The following TTC27 variants were observed in gnomAD, a reference collection of about 807,000 sequenced individuals.
The protein encoded by TTC27 is tetratricopeptide repeat domain 27.
TTC27 carries 79 observed loss-of-function variants against 115.9 expected under a neutral mutation model. The observed-to-expected ratio is 0.68, with a 90% CI of 0.57 to 0.82. TTC27 has a LOEUF of 0.82. TTC27 is among the 40% of genes least tolerant of loss of function. The probability of loss-of-function intolerance (pLI) is 0.00; values close to 1 mark genes in which losing one functional copy is unlikely to be tolerated. For missense variants in TTC27, 1,054 were observed against 993.1 expected, an observed-to-expected ratio of 1.06 and a Z score of -0.82; for synonymous variants, 401 against 356.0, an observed-to-expected ratio of 1.13 and a Z score of -1.42.
At chr2:32,815,762 C>T (rs1056689629) in intron 18 of TTC27, among the ~76,000 whole-genome samples, 1 of 152,202 alleles carries the variant, frequency 6.6e-6, no homozygotes, top group Non-Finnish European at 1.5e-5. Context: ...CTTTCCTCTA[C>T]TAAGAGAAAC....
At chr2:32,755,429 GA>G (rs1186677381) in intron 12 of TTC27, among the ~76,000 whole-genome samples, 1 of 152,234 alleles carries the variant, frequency 6.6e-6, no homozygotes, top group Non-Finnish European at 1.5e-5. Context: ...AAAAAAATAC[GA>G]AAACCAGACA....
intron 5 of TTC27, among the ~76,000 whole-genome samples, chr2:32,662,250 C>A (rs1409568793): frequency 1.3e-5 from 2 of 152,070 alleles, no homozygotes; most frequent in African/African-American, 2.4e-5. Flanking sequence ...GTGTCTCTGC[C>A]AGGTTTTGGT....
chr2:32,682,701 T>A (rs1011623519), intron 9 of TTC27, among the ~76,000 whole-genome samples: 19 of 148,286 alleles, frequency 1.3e-4, no homozygotes, highest in Admixed American at 1.2e-3. Flanking sequence ...GGAGTTTTGC[T>A]CTTGTCGCCC....
chr2:32,659,289 T>G (rs1665446212), intron 5 of TTC27, among the ~76,000 whole-genome samples: 1 of 151,946 alleles, frequency 6.6e-6, no homozygotes, highest in Non-Finnish European at 1.5e-5. Flanking sequence ...AAGGGAGAAA[T>G]TCTACATTCT....
chr2:32,810,231 G>T (rs1408295800), intron 16 of TTC27, among the ~76,000 whole-genome samples: 2 of 152,194 alleles, frequency 1.3e-5, no homozygotes, highest in Non-Finnish European at 2.9e-5. Context: ...TAGTAATTAG[G>T]AGGGGCTAGG....
At chr2:32,765,058 C>T (rs1001643881) in intron 13 of TTC27, among the ~76,000 whole-genome samples, 2 of 152,194 alleles carry the variant, frequency 1.3e-5, no homozygotes, top group African/African-American at 4.8e-5. Context: ...TTGACTTCCT[C>T]CCATGAATCA....
chr2:32,713,500 A>G (rs1233356258), intron 10 of TTC27, among the ~76,000 whole-genome samples: 5 of 152,226 alleles, frequency 3.3e-5, no homozygotes, highest in African/African-American at 1.2e-4. Context: ...AATTTTAATT[A>G]CTTGGTTACC....
At chr2:32,761,001 A>G (rs1248991330) in intron 13 of TTC27, among the ~76,000 whole-genome samples, 2 of 152,152 alleles carry the variant, frequency 1.3e-5, no homozygotes, top group African/African-American at 4.8e-5. Flanking sequence ...TTAAGTTCCA[A>G]CTATACACTG....
At chr2:32,747,835 T>A (rs1668880599) in intron 12 of TTC27, among the ~76,000 whole-genome samples, 1 of 152,200 alleles carries the variant, frequency 6.6e-6, no homozygotes, top group African/African-American at 2.4e-5. Flanking sequence ...TTCCCTGTAA[T>A]CCTTTTTATT....
intron 8 of TTC27, among the ~76,000 whole-genome samples, chr2:32,673,907 G>A (rs980005245): frequency 6.6e-6 from 1 of 152,096 alleles, no homozygotes; most frequent in South Asian, 2.1e-4. Context: ...AGACAGAATC[G>A]CTTGAACCGA....
intron 10 of TTC27, among the ~76,000 whole-genome samples, chr2:32,725,324 C>A (rs1207943527): frequency 6.6e-6 from 1 of 152,090 alleles, no homozygotes; most frequent in Admixed American, 6.5e-5. Flanking sequence ...TGCCTATGAG[C>A]CTGTAAAATC....
intron 10 of TTC27, among the ~76,000 whole-genome samples, chr2:32,725,370 G>C (rs1349581158): frequency 6.6e-6 from 1 of 152,128 alleles, no homozygotes; most frequent in African/African-American, 2.4e-5. Flanking sequence ...TGCAATTGGG[G>C]TGCAGGCATT....
rs1670049629 is a variant in TTC27 at position 32,777,888 on chromosome 2, G to A, written c.1687G>A (p.Val563Met). The A allele has an allele frequency of 1.2e-6, 2 of 1,613,954 alleles. No homozygotes were observed. The highest frequency in any genetic ancestry group is 1.3e-5 in the African/African-American group (1 of 74,922). The stretch of plus-strand genomic sequence containing the variant: ...TGACTTTTGGTCTTTGCAGCTCGGG[G>A]TGTGGTTTTCTCTCGGTTGTGCCTA... The part of the protein sequence containing the change: ...SVKINPMQLG[V>M]WFSLGCAYLA... Residue 563 changes from valine to methionine, a missense_variant, in exon 14 of 20, where the codon GTG (valine) becomes ATG (methionine). By Grantham distance (21) the Val-to-Met change is conservative. Coordinates refer to ENST00000317907, the MANE Select transcript of TTC27 (RefSeq NM_017735.5).
intron 12 of TTC27, among the ~76,000 whole-genome samples, chr2:32,744,156 C>A (rs1311351620): frequency 6.6e-6 from 1 of 152,230 alleles, no homozygotes; most frequent in African/African-American, 2.4e-5. Context: ...ATTCCAAATT[C>A]TATGTGGCTC....
At position 32,782,789 on chromosome 2, in the gene TTC27, T is replaced by A. The variant is rs555397566; in HGVS notation, c.1832+111T>A. 3.1e-5 allele frequency: 25 copies of A among 815,544 alleles called. No homozygotes were observed. The South Asian group carries it at 3.4e-4, about 11-fold the overall frequency. The allele number at this position is 815,544 out of a possible 1,614,324, so 50.5% of individuals were successfully genotyped here. ...CTCCTTGTTTTACCTTTCTCGCCCATGTATATGAAATAGAATAACTTAAGT... is the reference window on the plus strand; with the variant it reads ...CTCCTTGTTTTACCTTTCTCGCCCAAGTATATGAAATAGAATAACTTAAGT... On this transcript the variant is annotated intron_variant, in intron 15 of 19. Transcript: ENST00000317907.
At position 32,635,806 on chromosome 2, in the gene TTC27, G is replaced by T. The variant is rs760180316; in HGVS notation, c.396+1801G>T. Among the ~76,000 whole-genome samples the T allele has an allele frequency of 7.0e-4, 107 of 152,294 alleles. 1 individual carries two copies. The highest frequency in any genetic ancestry group is 1.2e-3 in the Non-Finnish European group (84 of 68,018). On this transcript the variant is annotated intron_variant, in intron 3 of 19. Transcript: ENST00000317907. ...GAAGAAGTGCAAAAACAAGCATAAAGTGAAAACCACAATAATTAACTCTTT... is the reference window on the plus strand; with the variant it reads ...GAAGAAGTGCAAAAACAAGCATAAATTGAAAACCACAATAATTAACTCTTT...
chr2:32,727,779 A>G (rs1274277599), intron 10 of TTC27, among the ~76,000 whole-genome samples: 1 of 152,104 alleles, frequency 6.6e-6, no homozygotes, highest in Non-Finnish European at 1.5e-5. Flanking sequence ...GTTTTTTATA[A>G]AGCATGCTAT....
chr2:32,637,977 TCC>T (rs1231956648), intron 3 of TTC27, among the ~76,000 whole-genome samples: 2 of 152,202 alleles, frequency 1.3e-5, no homozygotes. Flanking sequence ...CCTGGCCATG[TCC>T]TTGAGGCTCT....
At chr2:32,732,689 T>C (rs893566101) in intron 10 of TTC27, among the ~76,000 whole-genome samples, 2 of 152,218 alleles carry the variant, frequency 1.3e-5, no homozygotes, top group Non-Finnish European at 2.9e-5. Context: ...GCAACTGTCT[T>C]TTGCATCCCG....
Sources: gnomAD v4.1 joint callset for allele counts (sites outside exome capture counted in the v4.1 genomes callset) on GRCh38, gnomAD v4.1.1 for gene constraint, MANE v1.5 for transcripts, NCBI Gene and HGNC (gene_info 2026-07-23, HGNC 2026-07-21) for gene names.